NR3C1: variants seen among roughly 807,000 people sequenced by gnomAD.
NR3C1 encodes the protein nuclear receptor subfamily 3 group C member 1, also known as glucocorticoid receptor.
A neutral mutation model predicts 74.0 loss-of-function variants in NR3C1; 14 were observed. The ratio of observed to expected loss-of-function variants is 0.19; its 90% confidence interval spans 0.12 to 0.30. The LOEUF (loss-of-function observed/expected upper bound fraction) is 0.30, where lower values mean the gene tolerates loss of function less well. Among genes scored for constraint, NR3C1 ranks in the 10% least tolerant of loss-of-function variants. The pLI, the probability that NR3C1 is intolerant of heterozygous loss-of-function variation, is 1.00. For synonymous variants in NR3C1, 308 were observed against 332.5 expected (o/e 0.93, Z 0.80); for missense variants, 695 against 909.8 (o/e 0.76, Z 3.04).
chr5:143,403,582 CA>C lies in NR3C1; in HGVS notation c.-386del. ...GGCTCCCGTCACAGACACGAGCTCG[CA>C]AAATGGAGGAGGCGGCGGCGGAGGG... On this transcript the variant is annotated 5_prime_UTR_variant, in exon 1 of 9. Coordinates refer to ENST00000394464, the MANE Select transcript of NR3C1 (RefSeq NM_000176.3). The C allele has an allele frequency of 1.0e-6, 1 of 986,254 alleles. No homozygotes were observed. The highest frequency in any genetic ancestry group is 1.2e-6 in the Non-Finnish European group (1 of 830,590). The allele number at this position is 986,254 out of a possible 1,614,324, so 61.1% of individuals were successfully genotyped here. A position where few individuals can be genotyped will look rare whatever the true frequency, so the allele number is the denominator to read the frequency against.
chr5:143,343,180 T>C (rs1010108536), intron 2 of NR3C1, among the ~76,000 whole-genome samples: 3 of 152,210 alleles, frequency 2.0e-5, no homozygotes. Context: ...TGGCACAGTA[T>C]TCTAGTGCAA....
intron 2 of NR3C1, among the ~76,000 whole-genome samples, chr5:143,364,050 T>A (rs1288259040): frequency 6.6e-6 from 1 of 151,588 alleles, no homozygotes; most frequent in East Asian, 1.9e-4. Flanking sequence ...CTCAACAAAC[T>A]CCAAGTAGAA....
intron 1 of NR3C1, among the ~76,000 whole-genome samples, chr5:143,417,453 G>A (rs1248247698): frequency 6.6e-6 from 1 of 152,008 alleles, no homozygotes; most frequent in African/African-American, 2.4e-5. Flanking sequence ...CTACCTCCTA[G>A]TAGACACATG....
intron 2 of NR3C1, among the ~76,000 whole-genome samples, chr5:143,319,184 TG>T (rs1480441307): frequency 6.6e-6 from 1 of 152,162 alleles, no homozygotes; most frequent in Non-Finnish European, 1.5e-5. Flanking sequence ...AATAGCTTGG[TG>T]ACCTTTTAAT....
At chr5:143,388,959 C>G (rs1837751073) in intron 2 of NR3C1, among the ~76,000 whole-genome samples, 1 of 152,202 alleles carries the variant, frequency 6.6e-6, no homozygotes, top group Non-Finnish European at 1.5e-5. Context: ...CCTATGTACT[C>G]AGTCCTCATC....
At chr5:143,297,931 T>A (rs1475311571) in intron 6 of NR3C1, among the ~76,000 whole-genome samples, 1 of 151,934 alleles carries the variant, frequency 6.6e-6, no homozygotes, top group African/African-American at 2.4e-5. Context: ...TACTGGAGGG[T>A]CAGTGGGAAG....
intron 2 of NR3C1, among the ~76,000 whole-genome samples, chr5:143,372,609 T>C (rs1834418627): frequency 6.6e-6 from 1 of 152,226 alleles, no homozygotes; most frequent in Non-Finnish European, 1.5e-5. Context: ...TGCATAAATT[T>C]TGAAATCCTT....
At chr5:143,432,348 A>G (rs924206633) in intron 1 of NR3C1, among the ~76,000 whole-genome samples, 1 of 152,158 alleles carries the variant, frequency 6.6e-6, no homozygotes, top group Non-Finnish European at 1.5e-5. Flanking sequence ...ATTCACAAAC[A>G]TTGGTCCTGC....
At chr5:143,420,645 G>C (rs1190870107) in intron 1 of NR3C1, among the ~76,000 whole-genome samples, 2 of 152,126 alleles carry the variant, frequency 1.3e-5, no homozygotes, top group Admixed American at 1.3e-4. Flanking sequence ...AATCTTATTG[G>C]CATCTAGTGG....
At chr5:143,324,405 T>C (rs1324842168) in intron 2 of NR3C1, among the ~76,000 whole-genome samples, 1 of 152,214 alleles carries the variant, frequency 6.6e-6, no homozygotes, top group East Asian at 1.9e-4. Flanking sequence ...GCCTGAGCTC[T>C]ATATTGGCTC....
At chr5:143,402,111 A>G (rs1414131654) in intron 1 of NR3C1, among the ~76,000 whole-genome samples, 4 of 152,194 alleles carry the variant, frequency 2.6e-5, no homozygotes, top group Non-Finnish European at 5.9e-5. Context: ...TGGACTTGCC[A>G]CTACAAATCT....
intron 7 of NR3C1, among the ~76,000 whole-genome samples, chr5:143,290,468 G>A (rs1275406912): frequency 6.6e-6 from 1 of 152,190 alleles, no homozygotes; most frequent in Non-Finnish European, 1.5e-5. Flanking sequence ...TTTTACTTCA[G>A]CCTTTCAATA....
At chr5:143,296,636 T>TC (rs904259824) in intron 6 of NR3C1, among the ~76,000 whole-genome samples, 1 of 152,124 alleles carries the variant, frequency 6.6e-6, no homozygotes, top group African/African-American at 2.4e-5. Flanking sequence ...AATTTTTTTT[T>TC]CCCCCACAAC....
At chr5:143,286,345 GCAAAAATAC>G (rs1007566322) in intron 7 of NR3C1, among the ~76,000 whole-genome samples, 1 of 151,998 alleles carries the variant, frequency 6.6e-6, no homozygotes, top group African/African-American at 2.4e-5. Flanking sequence ...GGATTTAGAT[GCAAAAATAC>G]CAAAATTTTA....
At chr5:143,412,663 A>G (rs182212412) in intron 1 of NR3C1, among the ~76,000 whole-genome samples, 1 of 152,270 alleles carries the variant, frequency 6.6e-6, no homozygotes, top group South Asian at 2.1e-4. Flanking sequence ...ATAACCTACA[A>G]TCTATATTCC....
intron 1 of NR3C1, among the ~76,000 whole-genome samples, chr5:143,417,804 G>A (rs1019453067): frequency 2.0e-5 from 3 of 152,092 alleles, no homozygotes; most frequent in African/African-American, 7.2e-5. Context: ...AGAAATCCAG[G>A]CACTGGCTGG....
intron 2 of NR3C1, among the ~76,000 whole-genome samples, chr5:143,357,646 T>A (rs1228784979): frequency 2.6e-5 from 4 of 152,236 alleles, no homozygotes; most frequent in African/African-American, 9.6e-5. Context: ...CGTAGATTCC[T>A]AGATTCCACA....
In NR3C1 at chr5:143,278,933, C is replaced by T. The variant is rs535011433; in HGVS notation, c.*2956G>A. 1.7e-4 allele frequency: 27 copies of T among 160,088 alleles called. No homozygotes were observed. The highest frequency in any genetic ancestry group is 2.7e-4 in the Non-Finnish European group (20 of 73,880). 9.9% of individuals were successfully genotyped at this position (160,088 alleles called of 1,614,324 possible). A position where few individuals can be genotyped will look rare whatever the true frequency, so the allele number is the denominator to read the frequency against. On this transcript the variant is annotated 3_prime_UTR_variant, in exon 9 of 9. Coordinates refer to ENST00000394464, the MANE Select transcript of NR3C1 (RefSeq NM_000176.3). ...CAAGGTTTCCTCCCATAGTTTTAGG[C>T]ATTTGGATATATATACCCCAAAAGT...
intron 2 of NR3C1, among the ~76,000 whole-genome samples, chr5:143,394,993 G>T (rs1242784621): frequency 1.3e-5 from 2 of 151,932 alleles, no homozygotes; most frequent in Non-Finnish European, 2.9e-5. Flanking sequence ...ACAGTATTGA[G>T]CACTAAGGAA....
Sources: gnomAD v4.1 joint callset for allele counts (sites outside exome capture counted in the v4.1 genomes callset) on GRCh38, gnomAD v4.1.1 for gene constraint, MANE v1.5 for transcripts, NCBI Gene and HGNC (gene_info 2026-07-23, HGNC 2026-07-21) for gene names.